The following ZNF286A variants were observed in gnomAD, a reference collection of about 807,000 sequenced individuals.
ZNF286A encodes the protein zinc finger protein ZNF286.
ZNF286A carries 34 observed loss-of-function variants against 49.3 expected under a neutral mutation model. The ratio of observed to expected loss-of-function variants is 0.69; its 90% confidence interval spans 0.52 to 0.92. The LOEUF (loss-of-function observed/expected upper bound fraction) is 0.92, where lower values mean the gene tolerates loss of function less well. Ranked by LOEUF, ZNF286A falls within the 40% of genes least tolerant of loss-of-function variation. The pLI is 0.00. For synonymous variants in ZNF286A, 155 were observed against 200.4 expected (o/e 0.77, Z 1.91); for missense variants, 462 against 600.2 (o/e 0.77, Z 2.41).
intron 5 of ZNF286A, among the ~76,000 whole-genome samples, chr17:15,709,220 T>A (rs1990463469): frequency 6.7e-6 from 1 of 150,074 alleles, no homozygotes; most frequent in Admixed American, 6.6e-5. Flanking sequence ...CTGGGTGTGG[T>A]GACTCACGCC....
At chr17:15,712,946 C>G (rs1257051130) in intron 5 of ZNF286A, among the ~76,000 whole-genome samples, 1 of 152,100 alleles carries the variant, frequency 6.6e-6, no homozygotes, top group Non-Finnish European at 1.5e-5. Flanking sequence ...TCTAGTGTAG[C>G]AGTTCTGAAT....
chr17:15,711,772 A>G (rs1044672082), intron 5 of ZNF286A, among the ~76,000 whole-genome samples: 45 of 152,108 alleles, frequency 3.0e-4, no homozygotes, highest in African/African-American at 1.1e-3. Flanking sequence ...TGTAGTTGCC[A>G]ATCCCTGCTC....
intron 5 of ZNF286A, among the ~76,000 whole-genome samples, chr17:15,709,030 G>C (rs188540839): frequency 6.6e-6 from 1 of 152,208 alleles, no homozygotes; most frequent in Non-Finnish European, 1.5e-5. Flanking sequence ...GAGGTTTCTA[G>C]AGTCATTGTA....
intron 3 of ZNF286A, among the ~76,000 whole-genome samples, chr17:15,703,356 T>G: frequency 6.6e-6 from 1 of 152,096 alleles, no homozygotes; most frequent in East Asian, 1.9e-4. Context: ...TAAAACTCTC[T>G]TTGTTCTTTG....
chr17:15,712,670 T>C (rs534713663), intron 5 of ZNF286A, among the ~76,000 whole-genome samples: 9 of 152,264 alleles, frequency 5.9e-5, no homozygotes, highest in African/African-American at 1.7e-4. Context: ...TTTTCCTTCA[T>C]ATATTTTTTG....
In ZNF286A at chr17:15,714,378, T is replaced by C. The variant is rs557779777; in HGVS notation, c.335-1681T>C. 9.9e-5 allele frequency among the ~76,000 whole-genome samples: 15 copies of C among 152,168 alleles called. No individual in the cohort carries two copies. The East Asian group carries it at 1.2e-3, about 12-fold the overall frequency. Reference sequence around the variant, plus strand: ...TATTTTGGAAGCAGTTTTGAACTTATAGTTTCCCAGGGATTCATGGACCAT... The same window carrying C: ...TATTTTGGAAGCAGTTTTGAACTTACAGTTTCCCAGGGATTCATGGACCAT... On this transcript the variant is annotated intron_variant, in intron 5 of 5. Coordinates refer to ENST00000583566, the MANE Select transcript of ZNF286A (RefSeq NM_001130842.2).
chr17:15,710,386 G>A (rs1433521864), intron 5 of ZNF286A, among the ~76,000 whole-genome samples: 2 of 151,974 alleles, frequency 1.3e-5, no homozygotes, highest in Non-Finnish European at 2.9e-5. Context: ...TGTTTTACAG[G>A]TATTTATTTT....
chr17:15,712,896 C>T (rs1966867313), intron 5 of ZNF286A, among the ~76,000 whole-genome samples: 1 of 152,030 alleles, frequency 6.6e-6, no homozygotes, highest in Admixed American at 6.6e-5. Flanking sequence ...ACTCATTATC[C>T]CAACCTCATT....
At chr17:15,715,730 C>G (rs1368867810) in intron 5 of ZNF286A, among the ~76,000 whole-genome samples, 1 of 152,118 alleles carries the variant, frequency 6.6e-6, no homozygotes, top group East Asian at 1.9e-4. Flanking sequence ...AGTAGGTATT[C>G]TATAAAAAGT....
rs1183174736 is a variant in ZNF286A at position 15,699,753 on chromosome 17, C to T, written c.-220C>T. 2.8e-6 allele frequency: 2 copies of T among 702,838 alleles called. No homozygotes were observed. The highest frequency in any genetic ancestry group is 1.5e-5 in the South Asian group (1 of 67,590). 43.5% of individuals were successfully genotyped at this position (702,838 alleles called of 1,614,324 possible). A position where few individuals can be genotyped will look rare whatever the true frequency, so the allele number is the denominator to read the frequency against. ...TCCGAGCTGGCCAAAGAAGTTCGTCCCCTTTGTGAGGCCCGGGATGGGAGG... is the reference window on the plus strand; with the variant it reads ...TCCGAGCTGGCCAAAGAAGTTCGTCTCCTTTGTGAGGCCCGGGATGGGAGG... On this transcript the variant is annotated 5_prime_UTR_variant, in exon 1 of 6. Coordinates refer to ENST00000583566, the MANE Select transcript of ZNF286A (RefSeq NM_001130842.2).
rs147706222 is a variant in ZNF286A at position 15,704,957 on chromosome 17, G to T, written c.127-1430G>T. 3,954 of 1,409,162 alleles carry T rather than the reference G, an allele frequency of 2.8e-3. 79 individuals carry two copies. In the East Asian group the frequency reaches 0.051, roughly 18 times the overall value. The allele number at this position is 1,409,162 out of a possible 1,614,324, so 87.3% of individuals were successfully genotyped here. A position where few individuals can be genotyped will look rare whatever the true frequency, so the allele number is the denominator to read the frequency against. The stretch of plus-strand genomic sequence containing the variant: ...GCCCCCTTCCTGCGTTCTTCGGTCC[G>T]CCGGCCGGGGCGGGGGCCCAACTGC... On this transcript the variant is annotated intron_variant, in intron 3 of 5. Transcript: ENST00000583566.
At chr17:15,704,111 C>CG (rs1990006157) in intron 3 of ZNF286A, 1 of 582,544 alleles carries the variant, frequency 1.7e-6, no homozygotes, top group African/African-American at 2.0e-5. Context: ...AAAACAAATC[C>CG]AGGTCCCAGT....
intron 5 of ZNF286A, among the ~76,000 whole-genome samples, chr17:15,708,936 G>A (rs1345284853): frequency 6.6e-6 from 1 of 152,106 alleles, no homozygotes; most frequent in Non-Finnish European, 1.5e-5. Context: ...ACAAATATAT[G>A]CATTTCTTCT....
intron 5 of ZNF286A, among the ~76,000 whole-genome samples, chr17:15,708,715 A>T (rs111254269): frequency 6.6e-6 from 1 of 152,018 alleles, no homozygotes; most frequent in Non-Finnish European, 1.5e-5. Flanking sequence ...TATTGTATAT[A>T]CTCTTGTGTC....
Position 15,708,242 on chromosome 17 carries a change from A to G in ZNF286A, c.329A>G (p.Tyr110Cys), listed in dbSNP as rs753127298. Residue 110 changes from tyrosine (Y) to cysteine (C), a missense_variant, in exon 5 of 6, where the codon TAT becomes TGT. By Grantham distance (194) the Tyr-to-Cys change is radical (BLOSUM62 -2). Around this residue, in one of 3 missense-constraint regions of ZNF286A, gnomAD observed 259 missense variants for 272.2 expected, o/e 0.95. Coordinates refer to ENST00000583566, the MANE Select transcript of ZNF286A (RefSeq NM_001130842.2). ...KLERKAPKSS[Y>C]SDMETRPQSK... ...GAGAGAAAAGCCCCCAAAAGCAGCT[A>G]TTCAGGTGAGCCAGATAGATGGGAG... 3 of 1,586,676 alleles carry G rather than the reference A, an allele frequency of 1.9e-6. No homozygotes were observed. In the African/African-American group the frequency reaches 4.1e-5, roughly 21 times the overall value.
intron 3 of ZNF286A, among the ~76,000 whole-genome samples, chr17:15,702,137 A>C (rs1989824329): frequency 6.6e-6 from 1 of 151,408 alleles, no homozygotes; most frequent in Non-Finnish European, 1.5e-5. Context: ...AAAAAAAAAG[A>C]ATTTTTGAAT....
At chr17:15,704,507 C>G in intron 3 of ZNF286A, 1 of 1,614,044 alleles carries the variant, frequency 6.2e-7, no homozygotes, top group East Asian at 2.2e-5. Flanking sequence ...CGGCCCGCCT[C>G]CTCGTTGAGT....
intron 4 of ZNF286A, 71 bp from the exon 5 acceptor site, chr17:15,708,084 A>G: frequency 2.6e-6 from 3 of 1,134,208 alleles, no homozygotes; most frequent in Non-Finnish European, 3.5e-6. Context: ...ACTGGCTTGA[A>G]GAAAACTTCC....
chr17:15,717,237 T>C lies in ZNF286A; in HGVS notation c.1513T>C (p.Cys505Arg). Residue 505 changes from cysteine (C) to arginine (R), a missense_variant, in exon 6 of 6, where the codon TGC (cysteine) becomes CGC (arginine). Coordinates refer to ENST00000583566, the MANE Select transcript of ZNF286A (RefSeq NM_001130842.2). ...TAATGAGTGTGGGAAAAGCTTTAAG[T>C]GCAGTTCATCTCTCATCAGACATCA... is the stretch of plus-strand genomic sequence containing the variant. ...RCNECGKSFK[C>R]SSSLIRHQRV... is the part of the protein sequence containing the mutation. 1.2e-6 allele frequency: 2 copies of C among 1,608,542 alleles called. No individual in the cohort carries two copies. Among genetic ancestry groups the C allele is most frequent in the South Asian group, 2.2e-5 (2 of 90,456 alleles).
Sources: allele counts gnomAD v4.1 joint callset (sites outside exome capture counted in the v4.1 genomes callset), GRCh38; gene constraint gnomAD v4.1.1; regional missense constraint gnomAD v4.1.1; transcripts MANE v1.5; gene names NCBI Gene and HGNC (gene_info 2026-07-23, HGNC 2026-07-21).